The following SORCS2 variants were observed in gnomAD, a reference collection of about 807,000 sequenced individuals.
The protein encoded by SORCS2 is sortilin related VPS10 domain containing receptor 2.
Under a neutral mutation model 141.6 loss-of-function variants are expected in SORCS2, and 100 were observed. The ratio of observed to expected loss-of-function variants is 0.71; its 90% CI spans 0.60 to 0.83. The LOEUF (loss-of-function observed/expected upper bound fraction) is 0.83, where lower values mean the gene tolerates loss of function less well. Among genes scored for constraint, SORCS2 ranks in the 40% least tolerant of loss-of-function variants. SORCS2 has a pLI of 0.00. For missense variants in SORCS2, 1,646 were observed against 1,560.2 expected (o/e 1.05, Z -0.93); for synonymous variants, 789 against 676.9 (o/e 1.17, Z -2.57).
intron 7 of SORCS2, 118 bp from the exon 8 acceptor site, chr4:7,667,006 A>G: frequency 2.3e-6 from 2 of 887,588 alleles, no homozygotes; most frequent in Non-Finnish European, 3.7e-6. Context: ...CAGAACAGGT[A>G]GAAGGAAAGT....
At chr4:7,342,866 C>T (rs1207604341) in intron 1 of SORCS2, among the ~76,000 whole-genome samples, 1 of 152,190 alleles carries the variant, frequency 6.6e-6, no homozygotes, top group Non-Finnish European at 1.5e-5. Context: ...TTGTAAATTT[C>T]AGTTGCCAAG....
chr4:7,573,469 A>C (rs552699133), intron 3 of SORCS2, among the ~76,000 whole-genome samples: 2 of 152,196 alleles, frequency 1.3e-5, no homozygotes, highest in Non-Finnish European at 2.9e-5. Context: ...AGAGGCATAA[A>C]TAGAGTTCTA....
Position 7,445,630 on chromosome 4 carries a change from G to A in SORCS2, c.548+49275G>A, listed in dbSNP as rs374023602. ...GGGCGGGATGGAGGCCAGGATGGGG[G>A]CTGCAGGGAGGCCAGAGGAGGAGGC... On this transcript the variant is annotated intron_variant, in intron 2 of 26. Coordinates refer to ENST00000507866, the MANE Select transcript of SORCS2 (RefSeq NM_020777.3). 5.3e-5 allele frequency among the ~76,000 whole-genome samples: 8 copies of A among 152,284 alleles called. No homozygotes were observed. In the South Asian group the frequency reaches 1.5e-3, roughly 28 times the overall value.
intron 1 of SORCS2, among the ~76,000 whole-genome samples, chr4:7,366,502 C>A (rs1721904680): frequency 7.9e-6 from 1 of 126,332 alleles, no homozygotes; most frequent in African/African-American, 2.9e-5. Context: ...AACACTCCTC[C>A]AGGCTTCCCC....
intron 1 of SORCS2, among the ~76,000 whole-genome samples, chr4:7,326,824 G>A (rs766232029): frequency 7.9e-5 from 12 of 152,254 alleles, no homozygotes; most frequent in East Asian, 1.9e-4. Context: ...AAGCGCTGCC[G>A]GCCGGAGGTG....
rs551866152 is a variant in SORCS2 at position 7,214,358 on chromosome 4, C to G, written c.480+21232C>G. On this transcript the variant is annotated intron_variant, in intron 1 of 26. Coordinates refer to ENST00000507866, the MANE Select transcript of SORCS2 (RefSeq NM_020777.3). ...TGATGAGGGGATGAATTTCAGCTCCCCTTTTCCTCTTTCTCACCCTAGCCT... is the reference window on the plus strand; with the variant it reads ...TGATGAGGGGATGAATTTCAGCTCCGCTTTTCCTCTTTCTCACCCTAGCCT... Among the ~76,000 whole-genome samples, 35 of 152,206 alleles carry G rather than the reference C, an allele frequency of 2.3e-4. No individual in the cohort carries two copies. The East Asian group carries it at 6.4e-3, about 28-fold the overall frequency.
intron 1 of SORCS2, among the ~76,000 whole-genome samples, chr4:7,217,050 T>C (rs553046280): frequency 6.6e-6 from 1 of 151,388 alleles, no homozygotes; most frequent in East Asian, 1.9e-4. Flanking sequence ...CTTTGGATGC[T>C]TGGGTCTGGC....
At chr4:7,237,084 G>A (rs752198501) in intron 1 of SORCS2, among the ~76,000 whole-genome samples, 2 of 152,206 alleles carry the variant, frequency 1.3e-5, no homozygotes, top group Non-Finnish European at 2.9e-5. Flanking sequence ...TTAGTTCCTG[G>A]CAGTGGTGCA....
intron 3 of SORCS2, among the ~76,000 whole-genome samples, chr4:7,574,807 C>T (rs754524610): frequency 3.3e-5 from 5 of 152,186 alleles, no homozygotes; most frequent in African/African-American, 4.8e-5. Context: ...TGAAAGATGC[C>T]GTGTGGCATG....
chr4:7,489,061 T>G (rs1036477452), intron 2 of SORCS2, among the ~76,000 whole-genome samples: 7 of 152,216 alleles, frequency 4.6e-5, no homozygotes, highest in Non-Finnish European at 1.5e-5. Context: ...TGGGGATACC[T>G]TCATGAACCC....
intron 1 of SORCS2, among the ~76,000 whole-genome samples, chr4:7,393,419 C>T (rs574848555): frequency 5.1e-4 from 77 of 152,292 alleles, no homozygotes; most frequent in African/African-American, 1.6e-3. Context: ...AAGGGCATGT[C>T]GTAAGTGTTG....
In SORCS2 at chr4:7,271,816, GC is replaced by G. The variant is rs531314631; in HGVS notation, c.480+78693del. On this transcript the variant is annotated intron_variant, in intron 1 of 26. Coordinates refer to ENST00000507866, the MANE Select transcript of SORCS2 (RefSeq NM_020777.3). The stretch of plus-strand genomic sequence containing the variant: ...AGCTGCAAGTACGGCCTATGCCGGG[GC>G]CCGAGACAGCAGAGAGAGTGGGTGT... Among the ~76,000 whole-genome samples the G allele has an allele frequency of 5.9e-5, 9 of 152,354 alleles. No homozygotes were observed. The East Asian group carries it at 1.7e-3, about 29-fold the overall frequency.
At chr4:7,292,397 G>A (rs1716673102) in intron 1 of SORCS2, among the ~76,000 whole-genome samples, 1 of 152,224 alleles carries the variant, frequency 6.6e-6, no homozygotes, top group African/African-American at 2.4e-5. Context: ...GGAGATAAGA[G>A]GAACCCAGAG....
At chr4:7,595,571 G>A (rs546775796) in intron 3 of SORCS2, among the ~76,000 whole-genome samples, 2 of 141,082 alleles carry the variant, frequency 1.4e-5, no homozygotes, top group African/African-American at 2.7e-5. Flanking sequence ...TACGAAAGAC[G>A]TTCTTGTCAC....
chr4:7,476,396 C>T (rs1298132456), intron 2 of SORCS2, among the ~76,000 whole-genome samples: 1 of 152,156 alleles, frequency 6.6e-6, no homozygotes, highest in African/African-American at 2.4e-5. Flanking sequence ...AGAGTTTCTT[C>T]TTCTCTGGGA....
At chr4:7,731,851 A>C (rs1711714639) in intron 23 of SORCS2, among the ~76,000 whole-genome samples, 1 of 152,236 alleles carries the variant, frequency 6.6e-6, no homozygotes, top group African/African-American at 2.4e-5. Flanking sequence ...CTGTAAAAAC[A>C]CCAAAAGAAA....
intron 1 of SORCS2, among the ~76,000 whole-genome samples, chr4:7,291,451 A>G (rs1716597519): frequency 6.6e-6 from 1 of 151,940 alleles, no homozygotes; most frequent in Non-Finnish European, 1.5e-5. Flanking sequence ...GAAGGCTTTC[A>G]TCATGAGGGC....
intron 7 of SORCS2, among the ~76,000 whole-genome samples, chr4:7,666,002 G>A (rs1393879286): frequency 6.6e-6 from 1 of 152,160 alleles, no homozygotes; most frequent in Non-Finnish European, 1.5e-5. Context: ...GCTGCAGGAG[G>A]TGATTTGGGG....
intron 1 of SORCS2, among the ~76,000 whole-genome samples, chr4:7,306,499 G>A (rs986244833): frequency 2.6e-5 from 4 of 152,218 alleles, no homozygotes; most frequent in Non-Finnish European, 4.4e-5. Flanking sequence ...GAGGATGGCT[G>A]TTGGAGCAGA....
Sources: gnomAD v4.1 joint callset for allele counts (sites outside exome capture counted in the v4.1 genomes callset) on GRCh38, gnomAD v4.1.1 for gene constraint, MANE v1.5 for transcripts, NCBI Gene and HGNC (gene_info 2026-07-23, HGNC 2026-07-21) for gene names.